Variants in ACOX3 observed in about 807,000 individuals in gnomAD.
The protein encoded by ACOX3 is acyl-CoA oxidase 3, pristanoyl.
A neutral mutation model predicts 81.5 loss-of-function variants in ACOX3; 73 were observed. The observed-to-expected ratio is 0.90, with a 90% CI of 0.74 to 1.09. The LOEUF is 1.09. ACOX3 is among the 50% of genes least tolerant of loss of function. The probability of loss-of-function intolerance (pLI) is 0.00; values close to 1 mark genes in which losing one functional copy is unlikely to be tolerated. For missense variants in ACOX3, 947 were observed against 928.0 expected (o/e 1.02, Z -0.27); for synonymous variants, 387 against 375.1 (o/e 1.03, Z -0.37).
chr4:8,380,382 G>A lies in ACOX3; in HGVS notation c.1653+1110C>T, dbSNP rs3775898. On this transcript the variant is annotated intron_variant, in intron 14 of 17. Transcript: ENST00000356406. ...TTTTTTGTATTTTTAGGATACACCA[G>A]GTTTCACTGTATTAGCCAGGATGGT... Among the ~76,000 whole-genome samples the A allele has an allele frequency of 2.0e-5, 3 of 152,006 alleles. No homozygotes were observed. In the East Asian group the frequency reaches 5.8e-4, roughly 29 times the overall value.
At chr4:8,369,552 C>A (rs1715893091) in intron 17 of ACOX3, among the ~76,000 whole-genome samples, 1 of 152,202 alleles carries the variant, frequency 6.6e-6, no homozygotes, top group African/African-American at 2.4e-5. Context: ...AGATGACCAT[C>A]CCTGCCTCTC....
chr4:8,433,386 G>A (rs1452858676), intron 1 of ACOX3, among the ~76,000 whole-genome samples: 1 of 152,246 alleles, frequency 6.6e-6, no homozygotes, highest in Non-Finnish European at 1.5e-5. Context: ...TGAAGTGCTG[G>A]AGGCACAGGT....
Position 8,400,044 on chromosome 4 carries a change from C to A in ACOX3, c.777-392G>T, listed in dbSNP as rs766497687. Among the ~76,000 whole-genome samples, 7 of 151,982 alleles carry A rather than the reference C, an allele frequency of 4.6e-5. No individual in the cohort carries two copies. Among genetic ancestry groups the A allele is most frequent in the African/African-American group, 1.7e-4 (7 of 41,356 alleles). ...GGTGGATCACCTCAGGTCAGGAGTT[C>A]GAAACCAGCCTGACCAATATGGTGA... On this transcript the variant is annotated intron_variant, in intron 7 of 17. Transcript: ENST00000356406. This position sits in a 1 kb window ranked among gnomAD's most constrained non-coding sequence, Gnocchi z 4.4.
intron 1 of ACOX3, among the ~76,000 whole-genome samples, chr4:8,418,681 GA>G (rs1325616106): frequency 6.6e-6 from 1 of 151,094 alleles, no homozygotes; most frequent in East Asian, 2.0e-4. Context: ...CCAACACGGT[GA>G]AACCCCATCG....
chr4:8,403,018 A>C (rs1335741622), intron 7 of ACOX3, among the ~76,000 whole-genome samples: 1 of 152,140 alleles, frequency 6.6e-6, no homozygotes, highest in Non-Finnish European at 1.5e-5. Flanking sequence ...CGCACGAAGA[A>C]AGACCCTTAA....
At position 8,406,008 on chromosome 4, in the gene ACOX3, T is replaced by G. The variant is rs1303894069; in HGVS notation, c.723A>C (p.Gly241=). Reference sequence around the variant, plus strand: ...TTTTTCCTATGTCGCCAACCATCACTCCAGGCATGGGAAGAAGGGTCTTCG... The same window carrying G: ...TTTTTCCTATGTCGCCAACCATCACGCCAGGCATGGGAAGAAGGGTCTTCG... ...RDPKTLLPMP[G]VMVGDIGKKL... is the part of the protein sequence containing the mutation. The change falls in exon 7 of 18, where the codon GGA becomes GGC. Residue 241 remains glycine (G), a synonymous_variant. Transcript: ENST00000356406. The surrounding 1 kb of genome is among the most constrained non-coding windows in gnomAD (Gnocchi z 5.6). The G allele has an allele frequency of 6.2e-7, 1 of 1,614,066 alleles. No individual in the cohort carries two copies. The highest frequency in any genetic ancestry group is 8.5e-7 in the Non-Finnish European group (1 of 1,180,020).
chr4:8,434,949 C>A (rs906409014), intron 1 of ACOX3, among the ~76,000 whole-genome samples: 4 of 152,128 alleles, frequency 2.6e-5, no homozygotes, highest in Non-Finnish European at 5.9e-5. Flanking sequence ...AGTGAGTAAC[C>A]TTTTACCCTT....
Position 8,373,456 on chromosome 4 carries a change from T to C in ACOX3, c.1896+105A>G, listed in dbSNP as rs575321641. The stretch of plus-strand genomic sequence containing the variant: ...AGGGGGTGCGTGTCAGTCTGGGTGA[T>C]ACTAAGGCGGTGCGTGTCGGTCTGG... On this transcript the variant is annotated intron_variant, in intron 16 of 17. Coordinates refer to ENST00000356406, the MANE Select transcript of ACOX3 (RefSeq NM_003501.3). 4.6e-4 allele frequency: 548 copies of C among 1,199,138 alleles called. 2 individuals carry two copies. The African/African-American group carries it at 7.3e-3, about 16-fold the overall frequency. The allele number at this position is 1,199,138 out of a possible 1,614,324, so 74.3% of individuals were successfully genotyped here.
rs530493218 is a variant in ACOX3 at position 8,405,284 on chromosome 4, G to T, written c.776+671C>A. On this transcript the variant is annotated intron_variant, in intron 7 of 17. Coordinates refer to ENST00000356406, the MANE Select transcript of ACOX3 (RefSeq NM_003501.3). This position sits in a 1 kb window ranked among gnomAD's most constrained non-coding sequence, Gnocchi z 7.1. ...TCCCACTGCTTCCTCCACCTGAAAC[G>T]CTGCACATTCCAAAATCACTGGCCA... is the stretch of plus-strand genomic sequence containing the variant. Among the ~76,000 whole-genome samples the T allele has an allele frequency of 6.6e-6, 1 of 152,118 alleles. No individual in the cohort carries two copies. The highest frequency in any genetic ancestry group is 6.5e-5 in the Admixed American group (1 of 15,280).
At chr4:8,364,330 C>G (rs1189258743), downstream of ACOX3, among the ~76,000 whole-genome samples, 5 of 152,264 alleles carry the variant, frequency 3.3e-5, no homozygotes, top group African/African-American at 4.8e-5. The surrounding 1 kb of genome is among the most constrained non-coding windows in gnomAD (Gnocchi z 5.0). Flanking sequence ...CAGAATAAAC[C>G]TCTTCAAATA....
chr4:8,389,697 G>C lies in ACOX3; in HGVS notation c.1338C>G (p.Pro446=). The part of the protein sequence containing the change: ...RLGVLRDDND[P]NCTYEGDNNI... ...TGTTGTCACCTTCGTATGTGCAGTT[G>C]GGATCGTTGTCATCTCTAAGGACAC... Residue 446 remains proline, a synonymous_variant, in exon 12 of 18, where the codon CCC becomes CCG. Transcript: ENST00000356406. The surrounding 1 kb of genome is among the most constrained non-coding windows in gnomAD (Gnocchi z 5.3). 1 of 1,614,052 alleles carries C rather than the reference G, an allele frequency of 6.2e-7. No homozygotes were observed. The highest frequency in any genetic ancestry group is 2.2e-5 in the East Asian group (1 of 44,882).
intron 17 of ACOX3, among the ~76,000 whole-genome samples, chr4:8,367,458 G>C (rs759442521): frequency 1.3e-5 from 2 of 152,012 alleles, no homozygotes; most frequent in African/African-American, 2.4e-5. Flanking sequence ...ACTCCAGCCT[G>C]GGCAACAAGA....
intron 9 of ACOX3, 127 bp downstream of exon 9, chr4:8,396,810 C>T: frequency 8.8e-7 from 1 of 1,131,096 alleles, no homozygotes; most frequent in Non-Finnish European, 1.2e-6. Context: ...CTCCCGCTAA[C>T]TAATCATCCT....
chr4:8,386,561 G>A lies in ACOX3; in HGVS notation c.1537+2612C>T, dbSNP rs1207106698. ...AGCCTGGGCGACAGAGCGAGACTCC[G>A]TCTCAAAAAAAAAAAAAAAAAGAAA... On this transcript the variant is annotated intron_variant, in intron 13 of 17. Coordinates refer to ENST00000356406, the MANE Select transcript of ACOX3 (RefSeq NM_003501.3). This position sits in a 1 kb window ranked among gnomAD's most constrained non-coding sequence, Gnocchi z 5.2. 2.8e-5 allele frequency among the ~76,000 whole-genome samples: 4 copies of A among 142,496 alleles called. No homozygotes were observed. The highest frequency in any genetic ancestry group is 7.1e-5 in the Admixed American group (1 of 14,016). The allele number at this position is 142,496 out of a possible 152,430, so 93.5% of individuals were successfully genotyped here.
intron 1 of ACOX3, among the ~76,000 whole-genome samples, chr4:8,433,958 A>T (rs1724086933): frequency 6.6e-6 from 1 of 152,160 alleles, no homozygotes; most frequent in South Asian, 2.1e-4. Flanking sequence ...ATAAGACAGG[A>T]GGAAAGAGAG....
At chr4:8,356,748 C>T in the ACOX3 span, 3 of 455,956 alleles carry the variant, frequency 6.6e-6, no homozygotes, top group Non-Finnish European at 1.3e-5. Context: ...AGAAAGTGTG[C>T]AGAATGGTGC....
chr4:8,367,767 T>G (rs113040520), intron 17 of ACOX3, among the ~76,000 whole-genome samples: 2,662 of 119,252 alleles, frequency 0.022, 101 homozygotes, highest in African/African-American at 0.079. Context: ...CTCAGGAGCT[T>G]GAGACCAGCC....
intron 13 of ACOX3, among the ~76,000 whole-genome samples, chr4:8,387,487 C>A (rs138394666): frequency 1.3e-5 from 2 of 152,390 alleles, no homozygotes; most frequent in African/African-American, 4.8e-5. Context: ...CCCTTCTCTT[C>A]TGCACAAATA....
chr4:8,409,984 C>T lies in ACOX3; in HGVS notation c.687+228G>A, dbSNP rs147663746. Among the ~76,000 whole-genome samples, 628 of 145,286 alleles carry T rather than the reference C, an allele frequency of 4.3e-3. 4 individuals carry two copies. The highest frequency in any genetic ancestry group is 0.022 in the South Asian group (97 of 4,478). On this transcript the variant is annotated intron_variant, in intron 6 of 17. Transcript: ENST00000356406. ...GCAGGGTTGTGGGATGCACTGTGGA[C>T]GGGGCTATCTGCATTGTGGGCAGGG...
Sources: allele counts gnomAD v4.1 joint callset (sites outside exome capture counted in the v4.1 genomes callset), GRCh38; gene constraint gnomAD v4.1.1; non-coding constraint Gnocchi (gnomAD v3.1); transcripts MANE v1.5; gene names NCBI Gene and HGNC (gene_info 2026-07-23, HGNC 2026-07-21).